The following WDR88 variants were observed in gnomAD, a reference collection of about 807,000 sequenced individuals.
WDR88 encodes the protein WD repeat domain 88, also known as WD repeat-containing protein 88.
In WDR88, 40 loss-of-function variants were observed where a neutral mutation model predicts 46.8. That is an observed-to-expected ratio of 0.86 (90% CI 0.66 to 1.11). The LOEUF is 1.11. Among genes scored for constraint, WDR88 ranks in the 50% most tolerant of loss-of-function variants. The probability of loss-of-function intolerance (pLI) is 0.00; values close to 1 mark genes in which losing one functional copy is unlikely to be tolerated. For missense variants in WDR88, 562 were observed against 602.4 expected (o/e 0.93, Z 0.70); for synonymous variants, 235 against 240.7 (o/e 0.98, Z 0.22).
chr19:33,165,610 T>C (rs1321394776), intron 9 of WDR88, among the ~76,000 whole-genome samples: 1 of 152,160 alleles, frequency 6.6e-6, no homozygotes, highest in Admixed American at 6.6e-5. Context: ...ATAAAAATAT[T>C]GGCCAGGTGA....
intron 10 of WDR88, chr19:33,174,738 G>A (rs1227642765): frequency 4.4e-5 from 43 of 985,298 alleles, no homozygotes; most frequent in Non-Finnish European, 5.2e-5. Flanking sequence ...CAGAACAATG[G>A]ATGGGGCGGG....
intron 2 of WDR88, among the ~76,000 whole-genome samples, chr19:33,140,929 A>G (rs35608378): frequency 0.12 from 17,887 of 146,810 alleles, 1,224 homozygotes; most frequent in South Asian, 0.21. Context: ...AAACTACCAA[A>G]CTTACATTTT....
intron 2 of WDR88, among the ~76,000 whole-genome samples, chr19:33,141,911 C>A (rs1480819405): frequency 6.6e-6 from 1 of 152,142 alleles, no homozygotes; most frequent in East Asian, 1.9e-4. Flanking sequence ...AAACTCCTGA[C>A]CTCAGGTGAT....
intron 6 of WDR88, among the ~76,000 whole-genome samples, chr19:33,153,571 T>C (rs1973677240): frequency 6.6e-6 from 1 of 152,168 alleles, no homozygotes; most frequent in Admixed American, 6.6e-5. Context: ...CTCGGCTCGC[T>C]GCAACCTCCG....
chr19:33,172,053 C>A (rs7253505), intron 9 of WDR88, among the ~76,000 whole-genome samples: 23,633 of 152,102 alleles, frequency 0.16, 2,088 homozygotes, highest in East Asian at 0.31. Context: ...CATGAGCCAC[C>A]GCGCCTGGCC....
rs768307102 is a variant in WDR88 at position 33,151,161 on chromosome 19, C to G, written c.680-20C>G. Reference sequence around the variant, plus strand: ...AGGTGGAAGGCGTGGTCTCAAGTCCCTTTCCTCCGTGTTCTGCAGATCATC... The same window carrying G: ...AGGTGGAAGGCGTGGTCTCAAGTCCGTTTCCTCCGTGTTCTGCAGATCATC... On this transcript the variant is annotated intron_variant, in intron 5 of 10. Coordinates refer to ENST00000355868, the MANE Select transcript of WDR88 (RefSeq NM_173479.4). 27 of 1,609,722 alleles carry G rather than the reference C, an allele frequency of 1.7e-5. No homozygotes were observed. Among genetic ancestry groups the G allele is most frequent in the Non-Finnish European group, 2.0e-5 (23 of 1,177,158 alleles).
At chr19:33,160,127 G>T (rs1258663785) in intron 7 of WDR88, among the ~76,000 whole-genome samples, 2 of 152,156 alleles carry the variant, frequency 1.3e-5, no homozygotes, top group African/African-American at 4.8e-5. Context: ...GCTTTGGCTT[G>T]CTTGCCTACC....
intron 8 of WDR88, among the ~76,000 whole-genome samples, chr19:33,161,909 G>A (rs560606375): frequency 1.1e-4 from 17 of 152,324 alleles, no homozygotes; most frequent in African/African-American, 4.1e-4. Flanking sequence ...AGGCTGCAGT[G>A]AGCTGAGATT....
chr19:33,138,143 T>C (rs776776790), intron 2 of WDR88, among the ~76,000 whole-genome samples: 31 of 151,858 alleles, frequency 2.0e-4, no homozygotes, highest in Non-Finnish European at 2.8e-4. Flanking sequence ...TTCAAGCCAT[T>C]CTGCTGCCTC....
intron 6 of WDR88, among the ~76,000 whole-genome samples, 171 bp downstream of exon 6, chr19:33,151,481 G>C (rs987333913): frequency 6.6e-6 from 1 of 152,130 alleles, no homozygotes; most frequent in Non-Finnish European, 1.5e-5. Flanking sequence ...GCTGTGGCCT[G>C]TGGGCTGGGC....
At chr19:33,154,733 A>C (rs1386251075) in intron 6 of WDR88, among the ~76,000 whole-genome samples, 1 of 152,138 alleles carries the variant, frequency 6.6e-6, no homozygotes, top group Non-Finnish European at 1.5e-5. Context: ...TTTAAACCTC[A>C]ATGACAGTGT....
chr19:33,139,933 T>C (rs1193308483), intron 2 of WDR88, among the ~76,000 whole-genome samples: 1 of 152,100 alleles, frequency 6.6e-6, no homozygotes, highest in African/African-American at 2.4e-5. Flanking sequence ...CCTGGGGGGT[T>C]GCATGACCTC....
intron 9 of WDR88, among the ~76,000 whole-genome samples, chr19:33,169,595 A>G (rs1306231685): frequency 6.6e-6 from 1 of 150,522 alleles, no homozygotes; most frequent in Non-Finnish European, 1.5e-5. Context: ...AAAATAATGA[A>G]TGTTGGCAAA....
chr19:33,151,210 T>C lies in WDR88; in HGVS notation c.709T>C (p.Cys237Arg). Reference protein sequence around the residue: ...DHHTRSITSCCFDPDSQRVAS... With the variant: ...DHHTRSITSCRFDPDSQRVAS... ...TCACACAAGGTCCATCACGTCATGC[T>C]GCTTTGACCCCGACAGCCAGAGGGT... is the stretch of plus-strand genomic sequence containing the variant. The change falls in exon 6 of 11, where the codon TGC (cysteine) becomes CGC (arginine). Residue 237 changes from cysteine to arginine, a missense_variant. Transcript: ENST00000355868. 1.2e-6 allele frequency: 2 copies of C among 1,613,896 alleles called. No individual in the cohort carries two copies. Among genetic ancestry groups the C allele is most frequent in the South Asian group, 1.1e-5 (1 of 90,962 alleles).
chr19:33,170,489 A>G (rs1974020007), intron 9 of WDR88, among the ~76,000 whole-genome samples: 1 of 151,980 alleles, frequency 6.6e-6, no homozygotes, highest in Admixed American at 6.6e-5. Context: ...CCATTTTGAC[A>G]TCTTTTCTAT....
intron 2 of WDR88, among the ~76,000 whole-genome samples, chr19:33,142,162 T>C (rs142628276): frequency 3.0e-4 from 46 of 151,898 alleles, no homozygotes; most frequent in African/African-American, 1.1e-3. Flanking sequence ...CGGAGGGACA[T>C]GGAGCGCATG....
chr19:33,137,704 G>A lies in WDR88; in HGVS notation c.304G>A (p.Glu102Lys), dbSNP rs774996368. 1.1e-5 allele frequency: 17 copies of A among 1,613,804 alleles called. No individual in the cohort carries two copies. The highest frequency in any genetic ancestry group is 5.0e-5 in the Admixed American group (3 of 59,976). The change falls in exon 2 of 11, where the codon GAG becomes AAG. Residue 102 changes from glutamate (E) to lysine (K), a missense_variant. Coordinates refer to ENST00000355868, the MANE Select transcript of WDR88 (RefSeq NM_173479.4). ...CCCATTTAAAATTCTGAGTGGGCACGAGCACGCTGTGAGCACCTGCCACTT... is the reference window on the plus strand; with the variant it reads ...CCCATTTAAAATTCTGAGTGGGCACAAGCACGCTGTGAGCACCTGCCACTT... The part of the protein sequence containing the change: ...KIPFKILSGH[E>K]HAVSTCHFCV...
At chr19:33,155,054 G>T (rs753910048) in intron 6 of WDR88, among the ~76,000 whole-genome samples, 3 of 152,088 alleles carry the variant, frequency 2.0e-5, no homozygotes, top group Non-Finnish European at 2.9e-5. Context: ...GACATTGAGG[G>T]TTACAAACAA....
At position 33,140,923 on chromosome 19, in the gene WDR88, T is replaced by C. The variant is rs574634759; in HGVS notation, c.387+3136T>C. On this transcript the variant is annotated intron_variant, in intron 2 of 10. Coordinates refer to ENST00000355868, the MANE Select transcript of WDR88 (RefSeq NM_173479.4). ...ACCTTTGTAATAATATGAGAAAAAC[T>C]ACCAAACTTACATTTTTTTTTTTTT... Among the ~76,000 whole-genome samples the C allele has an allele frequency of 2.7e-5, 4 of 149,020 alleles. No individual in the cohort carries two copies. The East Asian group carries it at 6.0e-4, about 22-fold the overall frequency.
Sources: allele counts gnomAD v4.1 joint callset (sites outside exome capture counted in the v4.1 genomes callset), GRCh38; gene constraint gnomAD v4.1.1; transcripts MANE v1.5; gene names NCBI Gene and HGNC (gene_info 2026-07-23, HGNC 2026-07-21).